Variants in NTM observed in about 807,000 individuals in gnomAD.
NTM encodes the protein neurotrimin.
A neutral mutation model predicts 42.1 loss-of-function variants in NTM; 13 were observed. The ratio of observed to expected loss-of-function variants is 0.31; its 90% CI spans 0.20 to 0.49. The LOEUF is 0.49. NTM is among the 20% of genes least tolerant of loss of function. The probability of loss-of-function intolerance (pLI) is 0.99; values close to 1 mark genes in which losing one functional copy is unlikely to be tolerated. For missense variants in NTM, 373 were observed against 452.8 expected (o/e 0.82, Z 1.60); for synonymous variants, 187 against 179.2 (o/e 1.04, Z -0.35).
In NTM at chr11:131,554,540, A is replaced by T. The variant is rs1304561509; in HGVS notation, c.82+183652A>T. ...TGCAAACACACACACACACACACACATCTACAAAAAAAAAAAAAAACTCAT... is the reference window on the plus strand; with the variant it reads ...TGCAAACACACACACACACACACACTTCTACAAAAAAAAAAAAAAACTCAT... On this transcript the variant is annotated intron_variant, in intron 1 of 8. Transcript: ENST00000683400. Among the ~76,000 whole-genome samples, 5 of 138,736 alleles carry T rather than the reference A, an allele frequency of 3.6e-5. No individual in the cohort carries two copies. In the East Asian group the frequency reaches 9.9e-4, roughly 28 times the overall value. 91.0% of individuals were successfully genotyped at this position (138,736 alleles called of 152,430 possible).
At chr11:131,789,693 T>A (rs12282501) in intron 1 of NTM, among the ~76,000 whole-genome samples, 29,279 of 127,326 alleles carry the variant, frequency 0.23, 4,950 homozygotes, top group East Asian at 0.42. Flanking sequence ...GCGGTGGCTC[T>A]CGCCTGTAAT....
intron 2 of NTM, among the ~76,000 whole-genome samples, chr11:131,936,851 T>C (rs1008555453): frequency 7.2e-5 from 11 of 152,212 alleles, no homozygotes; most frequent in African/African-American, 2.4e-4. Flanking sequence ...CTGCTCCAAG[T>C]GCTTATGTGC....
intron 1 of NTM, among the ~76,000 whole-genome samples, chr11:131,377,798 C>T (rs998713471): frequency 6.6e-6 from 1 of 152,194 alleles, no homozygotes; most frequent in Admixed American, 6.5e-5. Context: ...ACTCTAGCTG[C>T]ACCCTGAATG....
chr11:131,507,482 A>G (rs1262127961), intron 1 of NTM, among the ~76,000 whole-genome samples: 2 of 152,136 alleles, frequency 1.3e-5, no homozygotes, highest in African/African-American at 2.4e-5. Flanking sequence ...GTTTGAAGTC[A>G]GGTAGCGTGA....
At chr11:131,762,110 C>T (rs778551462) in intron 1 of NTM, among the ~76,000 whole-genome samples, 1 of 152,210 alleles carries the variant, frequency 6.6e-6, no homozygotes, top group Non-Finnish European at 1.5e-5. Flanking sequence ...GCAGCCCAGG[C>T]GGACTAATAC....
At chr11:131,993,441 A>G (rs2067383610) in intron 2 of NTM, among the ~76,000 whole-genome samples, 1 of 152,126 alleles carries the variant, frequency 6.6e-6, no homozygotes, top group African/African-American at 2.4e-5. Context: ...TGGGACTTGT[A>G]GTAGAGGATG....
chr11:132,206,848 T>A (rs2082061072), intron 3 of NTM, among the ~76,000 whole-genome samples: 1 of 152,206 alleles, frequency 6.6e-6, no homozygotes, highest in Non-Finnish European at 1.5e-5. Context: ...TTATCCTCCC[T>A]CCTAGTAACT....
At chr11:131,899,506 G>A (rs2137674191) in intron 1 of NTM, among the ~76,000 whole-genome samples, 1 of 152,308 alleles carries the variant, frequency 6.6e-6, no homozygotes, top group South Asian at 2.1e-4. Flanking sequence ...TTACTGGGTA[G>A]ATGGGACCAT....
At chr11:131,984,683 CAT>C (rs1274236847) in intron 2 of NTM, 1 of 152,156 alleles carries the variant, frequency 6.6e-6, no homozygotes, top group East Asian at 1.9e-4. Context: ...AAAGGAAAAT[CAT>C]AGTTTTTCAG....
chr11:132,024,705 G>C (rs1191519888), intron 2 of NTM, among the ~76,000 whole-genome samples: 1 of 152,172 alleles, frequency 6.6e-6, no homozygotes, highest in East Asian at 1.9e-4. Flanking sequence ...CACTGGGATA[G>C]GTATATTCCG....
chr11:131,933,121 G>A (rs181608009), intron 2 of NTM, among the ~76,000 whole-genome samples: 60 of 152,302 alleles, frequency 3.9e-4, no homozygotes, highest in African/African-American at 1.4e-3. Context: ...AGCTGTCAAC[G>A]TGCCTGCTAT....
At chr11:131,747,818 CTT>C (rs776979707) in intron 1 of NTM, among the ~76,000 whole-genome samples, 3 of 152,264 alleles carry the variant, frequency 2.0e-5, no homozygotes, top group Admixed American at 1.3e-4. Context: ...ATTGTATTGT[CTT>C]TGCATAGAAT....
chr11:132,137,370 A>T (rs991417722), intron 2 of NTM, among the ~76,000 whole-genome samples: 1 of 152,196 alleles, frequency 6.6e-6, no homozygotes, highest in Non-Finnish European at 1.5e-5. Context: ...GAAGAAAGAG[A>T]CAAGCTCAAG....
In NTM at chr11:131,531,676, C is replaced by G. The variant is rs531904855; in HGVS notation, c.82+160788C>G. Among the ~76,000 whole-genome samples the G allele has an allele frequency of 4.6e-4, 70 of 152,266 alleles. No individual in the cohort carries two copies. The South Asian group carries it at 0.014, about 31-fold the overall frequency. Reference sequence around the variant, plus strand: ...GAATAATTAAATATTTATCGAATTTCTACTATGAGTTAGGAGTGTTACTCT... The same window carrying G: ...GAATAATTAAATATTTATCGAATTTGTACTATGAGTTAGGAGTGTTACTCT... On this transcript the variant is annotated intron_variant, in intron 1 of 8. Coordinates refer to ENST00000683400, the MANE Select transcript of NTM (RefSeq NM_001352005.2).
chr11:131,413,564 C>T (rs1204102794), intron 1 of NTM, among the ~76,000 whole-genome samples: 1 of 152,210 alleles, frequency 6.6e-6, no homozygotes, highest in East Asian at 1.9e-4. Flanking sequence ...GGAATTTTCT[C>T]CCCAAGTGGG....
chr11:131,930,258 G>T (rs1565761352), intron 2 of NTM, among the ~76,000 whole-genome samples: 1 of 152,330 alleles, frequency 6.6e-6, no homozygotes, highest in East Asian at 1.9e-4. Flanking sequence ...CAGTGGAAGT[G>T]AGTGGGACAG....
In NTM at chr11:131,874,053, A is replaced by ATG. The variant is rs1454185401; in HGVS notation, c.83-37510_83-37509insGT. ...ATAATATATATATATATATATATAT[A>ATG]TATATATATATATATCAGCAACAGG... On this transcript the variant is annotated intron_variant, in intron 1 of 8. Coordinates refer to ENST00000683400, the MANE Select transcript of NTM (RefSeq NM_001352005.2). Among the ~76,000 whole-genome samples, 31 of 85,644 alleles carry ATG rather than the reference A, an allele frequency of 3.6e-4. 1 individual carries two copies. The highest frequency in any genetic ancestry group is 1.4e-3 in the African/African-American group (30 of 22,010). The allele number at this position is 85,644 out of a possible 152,430, so 56.2% of individuals were successfully genotyped here.
chr11:131,506,574 G>A (rs2047518157), intron 1 of NTM, among the ~76,000 whole-genome samples: 1 of 152,168 alleles, frequency 6.6e-6, no homozygotes, highest in South Asian at 2.1e-4. Context: ...CAGCCTGGGG[G>A]GCCCTCTGAG....
chr11:132,063,816 A>G (rs1025423173), intron 2 of NTM, among the ~76,000 whole-genome samples: 5 of 152,198 alleles, frequency 3.3e-5, no homozygotes, highest in African/African-American at 1.2e-4. Context: ...TCTCCACTTC[A>G]TCTCCTCTAC....
Sources: allele counts gnomAD v4.1 joint callset (sites outside exome capture counted in the v4.1 genomes callset), GRCh38; gene constraint gnomAD v4.1.1; transcripts MANE v1.5; gene names NCBI Gene and HGNC (gene_info 2026-07-23, HGNC 2026-07-21).